NAALADL2: variants seen among roughly 807,000 people sequenced by gnomAD.
NAALADL2 encodes the protein inactive N-acetylated-alpha-linked acidic dipeptidase-like protein 2.
In NAALADL2, 76 loss-of-function variants were observed where a neutral mutation model predicts 87.2. The observed-to-expected ratio is 0.87, with a 90% CI of 0.72 to 1.05. The LOEUF is 1.05. NAALADL2 is among the 50% of genes least tolerant of loss of function. NAALADL2 has a pLI of 0.00. For synonymous variants in NAALADL2, 354 were observed against 331.0 expected (o/e 1.07, Z -0.75); for missense variants, 1,089 against 945.8 (o/e 1.15, Z -1.99).
At chr3:175,696,527 A>G (rs1184535232) in intron 11 of NAALADL2, among the ~76,000 whole-genome samples, 1 of 152,020 alleles carries the variant, frequency 6.6e-6, no homozygotes, top group African/African-American at 2.4e-5. Flanking sequence ...AGATGCAAAC[A>G]CTTTTTTTTC....
chr3:175,421,953 G>C (rs1715777500), intron 5 of NAALADL2, among the ~76,000 whole-genome samples: 1 of 152,070 alleles, frequency 6.6e-6, no homozygotes, highest in Non-Finnish European at 1.5e-5. Context: ...TTTGTCTGCT[G>C]TGATTGAAGA....
intron 1 of NAALADL2, among the ~76,000 whole-genome samples, chr3:174,475,927 A>G (rs1315668917): frequency 6.6e-6 from 1 of 152,072 alleles, no homozygotes; most frequent in African/African-American, 2.4e-5. Flanking sequence ...TAGTTAAAAG[A>G]TACAAGGGAT....
rs1247456993 is a variant in NAALADL2 at position 175,803,889 on chromosome 3, T to A, written c.*686T>A. 6.6e-6 allele frequency: 1 copy of A among 152,362 alleles called. No homozygotes were observed. Among genetic ancestry groups the A allele is most frequent in the African/African-American group, 2.4e-5 (1 of 41,432 alleles). 9.4% of individuals were successfully genotyped at this position (152,362 alleles called of 1,614,324 possible). ...ATTTTTTTCCTAACAACTTACAAGGTGACTAGCTTTGAAACCCCTAATTTG... is the reference window on the plus strand; with the variant it reads ...ATTTTTTTCCTAACAACTTACAAGGAGACTAGCTTTGAAACCCCTAATTTG... On this transcript the variant is annotated 3_prime_UTR_variant, in exon 14 of 14. Transcript: ENST00000454872.
At chr3:175,437,335 G>C (rs1718868114) in intron 5 of NAALADL2, among the ~76,000 whole-genome samples, 1 of 144,964 alleles carries the variant, frequency 6.9e-6, no homozygotes, top group Non-Finnish European at 1.5e-5. Context: ...AATCATGAGT[G>C]AACTCCCATT....
chr3:175,151,193 A>G (rs1263276492), intron 2 of NAALADL2, among the ~76,000 whole-genome samples: 1 of 152,114 alleles, frequency 6.6e-6, no homozygotes, highest in African/African-American at 2.4e-5. Context: ...TGCATTTACA[A>G]CCTTGTTTTC....
At chr3:175,059,793 C>T (rs890213679) in intron 1 of NAALADL2, 11 of 302,038 alleles carry the variant, frequency 3.6e-5, no homozygotes, top group East Asian at 9.9e-5. Context: ...TTAGCAGCAC[C>T]GTATTTGCCC....
intron 5 of NAALADL2, among the ~76,000 whole-genome samples, chr3:175,402,511 T>G (rs1711513249): frequency 2.6e-5 from 4 of 152,094 alleles, no homozygotes; most frequent in Admixed American, 2.6e-4. Context: ...AGAATCCTTT[T>G]TATCTGAGTC....
rs372304973 is a variant in NAALADL2 at position 175,781,376 on chromosome 3, C to T, written c.2190-21629C>T. ...TAATGGGGCTGAAAATCTCCTATTG[C>T]CTGGTAACATAAAGAACAATGCATG... On this transcript the variant is annotated intron_variant, in intron 13 of 13. Coordinates refer to ENST00000454872, the MANE Select transcript of NAALADL2 (RefSeq NM_207015.3). 1.3e-4 allele frequency among the ~76,000 whole-genome samples: 20 copies of T among 152,034 alleles called. 1 individual carries two copies. The South Asian group carries it at 3.9e-3, about 30-fold the overall frequency.
chr3:175,274,339 A>C (rs1219007904), intron 4 of NAALADL2, among the ~76,000 whole-genome samples: 14 of 152,216 alleles, frequency 9.2e-5, no homozygotes, highest in Non-Finnish European at 5.9e-5. Flanking sequence ...GGGGATTATT[A>C]CAATTCAAGG....
intron 5 of NAALADL2, among the ~76,000 whole-genome samples, chr3:175,417,708 G>A (rs1714900242): frequency 1.3e-5 from 2 of 152,066 alleles, no homozygotes; most frequent in Admixed American, 6.6e-5. Context: ...TCTTTACAAA[G>A]GCACTTCAGA....
At chr3:175,182,014 C>T (rs897165529) in intron 2 of NAALADL2, among the ~76,000 whole-genome samples, 2 of 151,700 alleles carry the variant, frequency 1.3e-5, no homozygotes, top group African/African-American at 4.8e-5. Flanking sequence ...TACATTCCCA[C>T]CAAAAATGTA....
chr3:175,230,991 G>T lies in NAALADL2; in HGVS notation c.546-2940G>T, dbSNP rs115214573. Among the ~76,000 whole-genome samples, 1,474 of 152,048 alleles carry T rather than the reference G, an allele frequency of 9.7e-3. 24 individuals are homozygous for T. Among genetic ancestry groups the T allele is most frequent in the African/African-American group, 0.034 (1,395 of 41,526 alleles). ...GCAGCATTGTTTACAATAGTGAAAA[G>T]CTGAAAACAACTTCAAAATATTTAT... On this transcript the variant is annotated intron_variant, in intron 2 of 13. Coordinates refer to ENST00000454872, the MANE Select transcript of NAALADL2 (RefSeq NM_207015.3).
intron 1 of NAALADL2, among the ~76,000 whole-genome samples, chr3:174,482,650 C>T (rs1468078050): frequency 6.6e-6 from 1 of 151,986 alleles, no homozygotes; most frequent in Non-Finnish European, 1.5e-5. Context: ...AGCACATGCA[C>T]TGTTCATTTC....
intron 5 of NAALADL2, among the ~76,000 whole-genome samples, chr3:175,439,474 TC>T (rs747185883): frequency 2.8e-4 from 42 of 150,420 alleles, no homozygotes; most frequent in Non-Finnish European, 5.6e-4. Context: ...GTACAAGGGT[TC>T]CCTTTTCACC....
At position 175,603,360 on chromosome 3, in the gene NAALADL2, T is replaced by G. The variant is rs116707709; in HGVS notation, c.1801-23931T>G. Among the ~76,000 whole-genome samples, 1,400 of 152,326 alleles carry G rather than the reference T, an allele frequency of 9.2e-3. 19 individuals carry two copies. Among genetic ancestry groups the G allele is most frequent in the African/African-American group, 0.03 (1,253 of 41,562 alleles). ...TCTTAAAAAATCTTAAATGTACAGT[T>G]GAGTTATAATACATAGACTCATATT... On this transcript the variant is annotated intron_variant, in intron 10 of 13. Transcript: ENST00000454872.
At chr3:174,540,041 C>T (rs1198966788) in intron 1 of NAALADL2, among the ~76,000 whole-genome samples, 1 of 136,056 alleles carries the variant, frequency 7.3e-6, no homozygotes, top group East Asian at 2.5e-4. Flanking sequence ...GGGCATTTAT[C>T]TATCTTGCTA....
intron 4 of NAALADL2, among the ~76,000 whole-genome samples, chr3:175,307,204 AAAT>A (rs1757829598): frequency 6.6e-6 from 1 of 152,150 alleles, no homozygotes; most frequent in Admixed American, 6.5e-5. Flanking sequence ...CAAATAAGAA[AAAT>A]AATGAGTAAT....
intron 1 of NAALADL2, among the ~76,000 whole-genome samples, chr3:174,535,232 A>G (rs902885018): frequency 6.6e-6 from 1 of 152,156 alleles, no homozygotes; most frequent in African/African-American, 2.4e-5. Context: ...TCACTGCCAT[A>G]TTCATGGTAC....
chr3:175,276,612 A>G (rs1753636300), intron 4 of NAALADL2, among the ~76,000 whole-genome samples: 1 of 152,084 alleles, frequency 6.6e-6, no homozygotes, highest in South Asian at 2.1e-4. Context: ...CTGCAAATGT[A>G]TTTCTAACCC....
Sources: allele counts gnomAD v4.1 joint callset (sites outside exome capture counted in the v4.1 genomes callset), GRCh38; gene constraint gnomAD v4.1.1; transcripts MANE v1.5; gene names NCBI Gene and HGNC (gene_info 2026-07-23, HGNC 2026-07-21).